MYO16: variants seen among roughly 807,000 people sequenced by gnomAD.
MYO16 encodes myosin XVI, also known as unconventional myosin-XVI.
In MYO16, 94 loss-of-function variants were observed where a neutral mutation model predicts 205.3. That is an observed-to-expected ratio of 0.46 (90% CI 0.39 to 0.54). MYO16 has a LOEUF of 0.54. Among genes scored for constraint, MYO16 ranks in the 20% least tolerant of loss-of-function variants. The pLI, the probability that MYO16 is intolerant of heterozygous loss-of-function variation, is 0.00. For synonymous variants in MYO16, 988 were observed against 954.0 expected (o/e 1.04, Z -0.66); for missense variants, 2,315 against 2,387.5 (o/e 0.97, Z 0.63).
intron 32 of MYO16, among the ~76,000 whole-genome samples, chr13:109,146,080 T>C (rs1877315860): frequency 6.6e-6 from 1 of 152,258 alleles, no homozygotes; most frequent in Non-Finnish European, 1.5e-5. Context: ...TAGGTGGCTA[T>C]TAAATAGTTG....
chr13:108,532,495 G>C, the MYO16 span, among the ~76,000 whole-genome samples: 1 of 151,426 alleles, frequency 6.6e-6, no homozygotes, highest in South Asian at 2.1e-4. Flanking sequence ...AGAAATGAAT[G>C]TTTTTAAAAC....
intron 28 of MYO16, among the ~76,000 whole-genome samples, chr13:109,110,192 CA>C (rs1351832361): frequency 2.0e-5 from 3 of 152,196 alleles, no homozygotes; most frequent in Non-Finnish European, 4.4e-5. Flanking sequence ...ATTAACTTAT[CA>C]AATACATTTT....
intron 16 of MYO16, among the ~76,000 whole-genome samples, chr13:108,934,840 T>C (rs1327097686): frequency 6.6e-6 from 1 of 152,192 alleles, no homozygotes; most frequent in Non-Finnish European, 1.5e-5. Context: ...TTTCTGAATA[T>C]GGCTAGATAG....
At chr13:109,053,582 A>T (rs1281412034) in intron 25 of MYO16, among the ~76,000 whole-genome samples, 1 of 152,100 alleles carries the variant, frequency 6.6e-6, no homozygotes, top group Non-Finnish European at 1.5e-5. Context: ...CTCAATTATT[A>T]AACATTACGA....
intron 2 of MYO16, among the ~76,000 whole-genome samples, chr13:108,677,200 T>G (rs1882252161): frequency 6.6e-6 from 1 of 151,816 alleles, no homozygotes. Context: ...TGAGAAAGAA[T>G]TTTTCTTTCC....
At chr13:108,659,198 A>G (rs1019029449) in intron 1 of MYO16, among the ~76,000 whole-genome samples, 10 of 146,882 alleles carry the variant, frequency 6.8e-5, no homozygotes, top group South Asian at 6.4e-4. Context: ...GTGTATATAT[A>G]TGTGTGTGTG....
At chr13:109,147,374 C>G (rs1390945100) in intron 32 of MYO16, among the ~76,000 whole-genome samples, 2 of 152,170 alleles carry the variant, frequency 1.3e-5, no homozygotes, top group Non-Finnish European at 2.9e-5. Context: ...CCCTGAATTA[C>G]TCATGGAAAC....
intron 16 of MYO16, among the ~76,000 whole-genome samples, chr13:108,915,693 G>A (rs527318903): frequency 6.6e-6 from 1 of 152,320 alleles, no homozygotes; most frequent in Admixed American, 6.5e-5. Flanking sequence ...GAAAAGCTAG[G>A]TTCCTAAATC....
chr13:108,555,650 A>G, the MYO16 span, among the ~76,000 whole-genome samples: 1 of 152,180 alleles, frequency 6.6e-6, no homozygotes, highest in Non-Finnish European at 1.5e-5. Flanking sequence ...AGAATTTGTC[A>G]TTAACTGTAA....
At chr13:109,142,545 C>T (rs150918989) in intron 32 of MYO16, among the ~76,000 whole-genome samples, 3 of 152,260 alleles carry the variant, frequency 2.0e-5, no homozygotes, top group African/African-American at 7.2e-5. Flanking sequence ...TGCAAACCCC[C>T]ACCTTTTCTG....
At chr13:109,164,785 A>G (rs1878561338) in intron 32 of MYO16, 116 bp from the exon 33 acceptor site, 3 of 564,492 alleles carry the variant, frequency 5.3e-6, no homozygotes, top group Non-Finnish European at 8.1e-6. Flanking sequence ...GATTATTATT[A>G]TTTTAAATGT....
At chr13:109,007,472 GTTTTAT>G (rs1885433769) in intron 21 of MYO16, among the ~76,000 whole-genome samples, 2 of 151,730 alleles carry the variant, frequency 1.3e-5, no homozygotes, top group Admixed American at 6.6e-5. Context: ...GGTGTCAAAA[GTTTTAT>G]TAGAGTGGTT....
intron 20 of MYO16, among the ~76,000 whole-genome samples, chr13:108,969,530 C>T (rs1191254613): frequency 1.3e-5 from 2 of 152,216 alleles, no homozygotes; most frequent in South Asian, 2.1e-4. Flanking sequence ...GATCCAAAGG[C>T]GTGTGGCCCT....
chr13:108,531,625 A>ATTTTT, the MYO16 span, among the ~76,000 whole-genome samples: 5 of 148,330 alleles, frequency 3.4e-5, no homozygotes, highest in Admixed American at 2.0e-4. Flanking sequence ...ATGCTTTCTA[A>ATTTTT]TTTTTTTTTT....
At chr13:109,004,556 G>T (rs925470376) in intron 21 of MYO16, among the ~76,000 whole-genome samples, 5 of 152,070 alleles carry the variant, frequency 3.3e-5, no homozygotes, top group Admixed American at 3.3e-4. Context: ...TAGATGTACT[G>T]CTTGAACAGT....
chr13:108,890,641 G>T (rs1347559126), intron 14 of MYO16, among the ~76,000 whole-genome samples: 2 of 152,148 alleles, frequency 1.3e-5, no homozygotes, highest in East Asian at 3.9e-4. Flanking sequence ...CGGACTCATT[G>T]ATAACTAGGC....
chr13:108,572,015 G>T, the MYO16 span, among the ~76,000 whole-genome samples: 1 of 151,720 alleles, frequency 6.6e-6, no homozygotes, highest in Non-Finnish European at 1.5e-5. Flanking sequence ...GACCTCCCAG[G>T]CTCAAGCAAT....
At chr13:108,969,122 T>C (rs1266019273) in intron 20 of MYO16, among the ~76,000 whole-genome samples, 2 of 152,178 alleles carry the variant, frequency 1.3e-5, no homozygotes, top group Non-Finnish European at 2.9e-5. Flanking sequence ...TGTTCTCTAG[T>C]GTTTTCGAGA....
intron 1 of MYO16, among the ~76,000 whole-genome samples, chr13:108,621,395 A>C (rs1879536739): frequency 6.6e-6 from 1 of 152,156 alleles, no homozygotes; most frequent in African/African-American, 2.4e-5. Context: ...CTGAAATATT[A>C]AATGGAAATA....
Sources: allele counts gnomAD v4.1 joint callset (sites outside exome capture counted in the v4.1 genomes callset), GRCh38; gene constraint gnomAD v4.1.1; transcripts MANE v1.5; gene names NCBI Gene and HGNC (gene_info 2026-07-23, HGNC 2026-07-21).